The following RDH16 variants were observed in gnomAD, a reference collection of about 807,000 sequenced individuals.
The protein encoded by RDH16 is retinol dehydrogenase 16, also known as human epidermal retinol dehydrogenase.
RDH16 carries 25 observed loss-of-function variants against 22.3 expected under a neutral mutation model. That is an observed-to-expected ratio of 1.12 (90% CI 0.82 to 1.56). RDH16 has a LOEUF of 1.56. RDH16 is among the 40% of genes most tolerant of loss of function. The pLI is 0.00. For synonymous variants in RDH16, 154 were observed against 164.4 expected (o/e 0.94, Z 0.48); for missense variants, 413 against 394.9 (o/e 1.05, Z -0.39).
chr12:56,951,787 A>G lies in RDH16; in HGVS notation c.*242T>C, dbSNP rs1296908240. On this transcript the variant is annotated 3_prime_UTR_variant, in exon 4 of 4. Coordinates refer to ENST00000398138, the MANE Select transcript of RDH16 (RefSeq NM_003708.5). ...CCTTGAGTGGCCACCCACGGTGACA[A>G]TGCACCCAGGAGCACTATTTGGTCC... 15 of 545,718 alleles carry G rather than the reference A, an allele frequency of 2.7e-5. No individual in the cohort carries two copies. The highest frequency in any genetic ancestry group is 3.8e-5 in the African/African-American group (2 of 52,904). The allele number at this position is 545,718 out of a possible 1,614,324, so 33.8% of individuals were successfully genotyped here. A position where few individuals can be genotyped will look rare whatever the true frequency, so the allele number is the denominator to read the frequency against.
chr12:56,954,580 T>C (rs1955909845), intron 2 of RDH16, among the ~76,000 whole-genome samples: 1 of 152,152 alleles, frequency 6.6e-6, no homozygotes, highest in South Asian at 2.1e-4. Context: ...CAGTACTGTG[T>C]TCCTCTTGGT....
At chr12:56,954,369 C>T (rs1050136880) in intron 2 of RDH16, among the ~76,000 whole-genome samples, 3 of 152,194 alleles carry the variant, frequency 2.0e-5, no homozygotes. Context: ...GCCTCCCTGG[C>T]TAGGGGACCA....
chr12:56,956,203 A>G (rs149022235), intron 1 of RDH16, among the ~76,000 whole-genome samples: 50 of 152,312 alleles, frequency 3.3e-4, no homozygotes, highest in African/African-American at 1.0e-3. Context: ...ACGTTGGCAA[A>G]TAAAAGTCCA....
chr12:56,952,518 T>A (rs930732604), intron 3 of RDH16, among the ~76,000 whole-genome samples: 1 of 152,134 alleles, frequency 6.6e-6, no homozygotes, highest in Non-Finnish European at 1.5e-5. Flanking sequence ...TCTCAGCACA[T>A]AAAAACAAGC....
Position 56,957,358 on chromosome 12 carries a change from C to T in RDH16, c.105G>A (p.Thr35=), listed in dbSNP as rs763600858. The change falls in exon 1 of 4, where the codon ACG becomes ACA. Residue 35 remains threonine (T), a synonymous_variant. Transcript: ENST00000398138. The part of the protein sequence containing the change: ...SHLRDKYVFI[T]GCDSGFGKLL... Reference sequence around the variant, plus strand: ...GTTTCCCGAAGCCAGAGTCACAGCCCGTGATGAACACATACTTATCTCTCA... The same window carrying T: ...GTTTCCCGAAGCCAGAGTCACAGCCTGTGATGAACACATACTTATCTCTCA... 5.7e-5 allele frequency: 92 copies of T among 1,614,036 alleles called. 1 individual carries two copies. Among genetic ancestry groups the T allele is most frequent in the Non-Finnish European group, 7.1e-5 (84 of 1,180,044 alleles).
chr12:56,952,022 C>T lies in RDH16; in HGVS notation c.*7G>A, dbSNP rs777593387. 6.2e-7 allele frequency: 1 copy of T among 1,613,066 alleles called. No homozygotes were observed. The highest frequency in any genetic ancestry group is 8.5e-7 in the Non-Finnish European group (1 of 1,179,120). On this transcript the variant is annotated 3_prime_UTR_variant, in exon 4 of 4. Transcript: ENST00000398138. ...AAATCCATGCAACCATGCATCCAAC[C>T]TTAGCTTCATAGAGCCTTGGCCGGG... is the stretch of plus-strand genomic sequence containing the variant.
Position 56,954,995 on chromosome 12 carries a change from G to T in RDH16, c.483C>A (p.Asn161Lys), listed in dbSNP as rs773573030. The T allele has an allele frequency of 2.5e-6, 4 of 1,614,160 alleles. No individual in the cohort carries two copies. In the South Asian group the frequency reaches 4.4e-5, roughly 18 times the overall value. The change falls in exon 2 of 4, where the codon AAC becomes AAA. Residue 161 changes from asparagine (N) to lysine (K), a missense_variant. Transcript: ENST00000398138. ...ACACCCGGCCCATGACACTGGAGACGTTGACCACACGGCCCCTGGCCCTCC... is the reference window on the plus strand; with the variant it reads ...ACACCCGGCCCATGACACTGGAGACTTTGACCACACGGCCCCTGGCCCTCC... ...LVRRARGRVVNVSSVMGRVSL... is the reference protein window; with the variant it reads ...LVRRARGRVVKVSSVMGRVSL...
intron 1 of RDH16, among the ~76,000 whole-genome samples, chr12:56,956,195 G>A (rs777344472): frequency 1.3e-5 from 2 of 152,078 alleles, no homozygotes; most frequent in Non-Finnish European, 2.9e-5. Context: ...TTACAGAGAC[G>A]TTGGCAAATA....
chr12:56,952,427 A>G (rs1448379390), intron 3 of RDH16, among the ~76,000 whole-genome samples, 181 bp from the exon 4 acceptor site: 3 of 152,160 alleles, frequency 2.0e-5, no homozygotes, highest in Non-Finnish European at 4.4e-5. Context: ...GAAAGTAGCA[A>G]GTGTCTCACA....
In RDH16 at chr12:56,955,016, C is replaced by T; in HGVS notation, c.462G>A (p.Arg154=). 1 of 1,614,166 alleles carries T rather than the reference C, an allele frequency of 6.2e-7. No individual in the cohort carries two copies. The highest frequency in any genetic ancestry group is 8.5e-7 in the Non-Finnish European group (1 of 1,180,020). ...AGACGTTGACCACACGGCCCCTGGCCCTCCTCACTAAGGGCAGCAGGCTCA... is the reference window on the plus strand; with the variant it reads ...AGACGTTGACCACACGGCCCCTGGCTCTCCTCACTAAGGGCAGCAGGCTCA... The part of the protein sequence containing the change: ...VTLSLLPLVR[R]ARGRVVNVSS... The change falls in exon 2 of 4, where the codon AGG becomes AGA. Residue 154 remains arginine, a synonymous_variant. Transcript: ENST00000398138.
chr12:56,955,067 G>T lies in RDH16; in HGVS notation c.411C>A (p.Asn137Lys). 1 of 1,614,140 alleles carries T rather than the reference G, an allele frequency of 6.2e-7. No individual in the cohort carries two copies. Among genetic ancestry groups the T allele is most frequent in the Non-Finnish European group, 8.5e-7 (1 of 1,180,034 alleles). ...KQDFVTILDV[N>K]LLGVIDVTLS... ...GAGTCACATCAATCACCCCCAACAA[G>T]TTCACGTCCAGTATGGTCACGAAGT... The change falls in exon 2 of 4, where the codon AAC (asparagine) becomes AAA (lysine). Residue 137 changes from asparagine to lysine, a missense_variant. Coordinates refer to ENST00000398138, the MANE Select transcript of RDH16 (RefSeq NM_003708.5).
rs767187452 is a variant in RDH16 at position 56,957,216 on chromosome 12, C to T, written c.247G>A (p.Asp83Asn). The T allele has an allele frequency of 6.2e-7, 1 of 1,614,160 alleles. No homozygotes were observed. Among genetic ancestry groups the T allele is most frequent in the South Asian group, 1.1e-5 (1 of 91,074 alleles). Residue 83 changes from aspartate (D) to asparagine (N), a missense_variant, in exon 1 of 4, where the codon GAT becomes AAT. Coordinates refer to ENST00000398138, the MANE Select transcript of RDH16 (RefSeq NM_003708.5). ...GCAACGCTCTCTGTCTTGGTAACATCCAGGGTCACCGTCTCCAGCCTGTCT... is the reference window on the plus strand; with the variant it reads ...GCAACGCTCTCTGTCTTGGTAACATTCAGGGTCACCGTCTCCAGCCTGTCT... ...TSDRLETVTL[D>N]VTKTESVAAA...
In RDH16 at chr12:56,955,137, C is replaced by G. The variant is rs373743478; in HGVS notation, c.341G>C (p.Gly114Ala). The G allele has an allele frequency of 1.9e-6, 3 of 1,614,094 alleles. No homozygotes were observed. The highest frequency in any genetic ancestry group is 2.5e-6 in the Non-Finnish European group (3 of 1,180,024). Residue 114 changes from glycine to alanine, a missense_variant, in exon 2 of 4, where the codon GGC (glycine) becomes GCC (alanine). Gly to Ala is a moderately conservative substitution (Grantham distance 60). Coordinates refer to ENST00000398138, the MANE Select transcript of RDH16 (RefSeq NM_003708.5). ...ATTGGGAGCCGTGGGCAAGGAGATGCCAGCATTATTCACCAGGCCCCAGAG... is the reference window on the plus strand; with the variant it reads ...ATTGGGAGCCGTGGGCAAGGAGATGGCAGCATTATTCACCAGGCCCCAGAG... The part of the protein sequence containing the change: ...KGLWGLVNNA[G>A]ISLPTAPNEL...
intron 1 of RDH16, among the ~76,000 whole-genome samples, chr12:56,955,395 G>T (rs1470904341): frequency 6.6e-6 from 1 of 152,098 alleles, no homozygotes; most frequent in Non-Finnish European, 1.5e-5. Flanking sequence ...CCAGCCTACT[G>T]CCTGAAAGAC....
At position 56,953,027 on chromosome 12, in the gene RDH16, G is replaced by T. The variant is rs758890174; in HGVS notation, c.573-37C>A. The T allele has an allele frequency of 5.1e-6, 8 of 1,556,678 alleles. No homozygotes were observed. In the East Asian group the frequency reaches 6.8e-5, roughly 13 times the overall value. On this transcript the variant is annotated intron_variant, in intron 2 of 3. Coordinates refer to ENST00000398138, the MANE Select transcript of RDH16 (RefSeq NM_003708.5). ...AGAAGCAGAGGGGAAAAACTTCGGG[G>T]GTCTTGGAAGGTAAAACACAAACAA...
Position 56,954,839 on chromosome 12 carries a change from C to G in RDH16, c.572+67G>C, listed in dbSNP as rs943026368. 30 of 1,569,252 alleles carry G rather than the reference C, an allele frequency of 1.9e-5. No homozygotes were observed. In the African/African-American group the frequency reaches 3.8e-4, roughly 20 times the overall value. On this transcript the variant is annotated intron_variant, in intron 2 of 3. Coordinates refer to ENST00000398138, the MANE Select transcript of RDH16 (RefSeq NM_003708.5). ...TACAGGCTGGGATTCAAGGAACTCC[C>G]TGGAAAAGACTTCCCCACAAGGACA...
Position 56,951,871 on chromosome 12 carries a change from A to G in RDH16, c.*158T>C. On this transcript the variant is annotated 3_prime_UTR_variant, in exon 4 of 4. Transcript: ENST00000398138. ...ACCAACATCTCCAGAGAGCAGAATT[A>G]TCTCCCAGGAGAATCATGGCCAGGA... is the stretch of plus-strand genomic sequence containing the variant. 3.2e-6 allele frequency: 2 copies of G among 630,872 alleles called. No homozygotes were observed. The highest frequency in any genetic ancestry group is 2.8e-6 in the Non-Finnish European group (1 of 357,986). The allele number at this position is 630,872 out of a possible 1,614,324, so 39.1% of individuals were successfully genotyped here.
chr12:56,955,257 G>A (rs1955918454), intron 1 of RDH16, 93 bp from the exon 2 acceptor site: 1 of 1,450,712 alleles, frequency 6.9e-7, no homozygotes, highest in East Asian at 2.4e-5. Context: ...TAAAGTGAGG[G>A]CAGACTGACA....
Position 56,955,182 on chromosome 12 carries a change from T to C in RDH16, c.314-18A>G, listed in dbSNP as rs201053615. 1.2e-5 allele frequency: 20 copies of C among 1,613,516 alleles called. No individual in the cohort carries two copies. The Admixed American group carries it at 3.3e-4, about 27-fold the overall frequency. ...CCAGAGTCCTGGGACAGTGGGAAGA[T>C]GAGAGAGCATCACTGTGTTGTGCCT... On this transcript the variant is annotated intron_variant, in intron 1 of 3. Transcript: ENST00000398138.
Sources: gnomAD v4.1 joint callset for allele counts (sites outside exome capture counted in the v4.1 genomes callset) on GRCh38, gnomAD v4.1.1 for gene constraint, MANE v1.5 for transcripts, NCBI Gene and HGNC (gene_info 2026-07-23, HGNC 2026-07-21) for gene names.